Variants in CPLX1 observed in about 807,000 individuals in gnomAD.
The protein encoded by CPLX1 is complexin 1, also known as complexin-1.
A neutral mutation model predicts 15.6 loss-of-function variants in CPLX1; 6 were observed. The ratio of observed to expected loss-of-function variants is 0.39; its 90% CI spans 0.21 to 0.76. The LOEUF is 0.76. CPLX1 is among the 30% of genes least tolerant of loss of function. CPLX1 has a pLI of 0.43. For synonymous variants in CPLX1, 91 were observed against 75.2 expected (o/e 1.21, Z -1.08); for missense variants, 242 against 188.6 (o/e 1.28, Z -1.66).
At chr4:801,097 G>A (rs909199097) in intron 2 of CPLX1, among the ~76,000 whole-genome samples, 1 of 151,552 alleles carries the variant, frequency 6.6e-6, no homozygotes, top group African/African-American at 2.4e-5. Context: ...GGCAGATCAC[G>A]AGGTCAGGAG....
At chr4:793,765 G>A (rs1746254215) in intron 2 of CPLX1, among the ~76,000 whole-genome samples, 1 of 152,234 alleles carries the variant, frequency 6.6e-6, no homozygotes, top group Non-Finnish European at 1.5e-5. Flanking sequence ...GCTCCTCAGT[G>A]GTGAGGCACT....
At chr4:821,502 G>A (rs935858937) in intron 2 of CPLX1, among the ~76,000 whole-genome samples, 2 of 152,202 alleles carry the variant, frequency 1.3e-5, no homozygotes, top group Non-Finnish European at 1.5e-5. Context: ...AGAGCGGGTG[G>A]CTGCTCGCTT....
intron 2 of CPLX1, among the ~76,000 whole-genome samples, chr4:814,640 G>C (rs1418385193): frequency 6.6e-6 from 1 of 152,230 alleles, no homozygotes; most frequent in Non-Finnish European, 1.5e-5. Flanking sequence ...TGCAGTGGTG[G>C]ATTAAATCTG....
intron 2 of CPLX1, among the ~76,000 whole-genome samples, chr4:794,901 T>C (rs1395987116): frequency 2.0e-5 from 3 of 152,200 alleles, no homozygotes; most frequent in African/African-American, 7.2e-5. Context: ...CCGGCATTTA[T>C]AGAGCACCAG....
chr4:802,999 C>T (rs576353555), intron 2 of CPLX1, among the ~76,000 whole-genome samples: 54 of 151,682 alleles, frequency 3.6e-4, no homozygotes, highest in Non-Finnish European at 7.4e-4. Flanking sequence ...AAACACTAGG[C>T]GTCTGAACTT....
chr4:825,843 G>T (rs1170285028), intron 1 of CPLX1, among the ~76,000 whole-genome samples: 1 of 125,128 alleles, frequency 8.0e-6, no homozygotes, highest in Non-Finnish European at 1.8e-5. Flanking sequence ...AGCCGGAGCC[G>T]GGGAGGAGAG....
chr4:792,676 A>G, intron 2 of CPLX1, 68 bp from the exon 3 acceptor site: 1 of 1,504,248 alleles, frequency 6.6e-7, no homozygotes, highest in Non-Finnish European at 9.0e-7. Context: ...TGTCTCAGCC[A>G]CACTCCCCCA....
Position 786,687 on chromosome 4 carries a change from C to T in CPLX1, c.219G>A (p.Lys73=), listed in dbSNP as rs754684184. 8.1e-6 allele frequency: 13 copies of T among 1,607,168 alleles called. No homozygotes were observed. The highest frequency in any genetic ancestry group is 1.1e-5 in the Non-Finnish European group (13 of 1,176,618). The change falls in exon 4 of 4, where the codon AAG becomes AAA. Residue 73 remains lysine (K), a synonymous_variant. Transcript: ENST00000304062. ...RQGIRDKYGI[K]KKEEREAEAQ... is the part of the protein sequence containing the mutation. Reference sequence around the variant, plus strand: ...CCTCGGCCTCGCGCTCCTCCTTCTTCTTGATGCCGTACTGCGGGGGAGGCG... The same window carrying T: ...CCTCGGCCTCGCGCTCCTCCTTCTTTTTGATGCCGTACTGCGGGGGAGGCG...
rs369493468 is a variant in CPLX1, at chr4:786,706, G to T, written c.208-8C>A. 6.0e-5 allele frequency: 95 copies of T among 1,585,718 alleles called. No individual in the cohort carries two copies. The African/African-American group carries it at 1.2e-3, about 20-fold the overall frequency. ...CTTCTTCTTGATGCCGTACTGCGGG[G>T]GAGGCGGGGGTCAGGGCGGGGGTCC... On this transcript the variant is annotated splice_polypyrimidine_tract_variant and splice_region_variant and intron_variant, in intron 3 of 3. Transcript: ENST00000304062.
chr4:808,554 C>T (rs1322568637), intron 2 of CPLX1, among the ~76,000 whole-genome samples: 3 of 152,206 alleles, frequency 2.0e-5, no homozygotes, highest in South Asian at 2.1e-4. Context: ...AACGGCAAAA[C>T]GAATCCGTCC....
chr4:790,637 C>G (rs13105473), intron 3 of CPLX1, among the ~76,000 whole-genome samples: 60,828 of 151,946 alleles, frequency 0.4, 13,135 homozygotes, highest in African/African-American at 0.56. Context: ...CAGCGTCCCT[C>G]TAGGATCATG....
intron 2 of CPLX1, among the ~76,000 whole-genome samples, chr4:813,264 C>CA (rs397881229): frequency 0.02 from 1,878 of 92,862 alleles, 23 homozygotes; most frequent in East Asian, 0.036. Context: ...GACTCTGTCT[C>CA]AAAAAAAAAA....
chr4:809,131 A>T (rs1746611334), intron 2 of CPLX1, among the ~76,000 whole-genome samples: 1 of 152,260 alleles, frequency 6.6e-6, no homozygotes. Flanking sequence ...TCATTTTAGC[A>T]AAGTGAGGAT....
chr4:787,167 G>T, intron 3 of CPLX1: 2 of 985,430 alleles, frequency 2.0e-6, no homozygotes, highest in Non-Finnish European at 2.4e-6. Flanking sequence ...GGCCAAGGCT[G>T]CCTGGATGCG....
chr4:800,734 A>AT (rs1267135148), intron 2 of CPLX1, among the ~76,000 whole-genome samples: 65 of 88,718 alleles, frequency 7.3e-4, no homozygotes, highest in African/African-American at 2.2e-3. Context: ...TAAAAAAAAA[A>AT]ATATATATAT....
intron 3 of CPLX1, 97 bp downstream of exon 3, chr4:792,336 G>A (rs1439884443): frequency 9.3e-6 from 9 of 967,290 alleles, no homozygotes; most frequent in South Asian, 1.8e-5. Flanking sequence ...GGGGACGCCC[G>A]CCCCTCTTCC....
intron 3 of CPLX1, among the ~76,000 whole-genome samples, chr4:790,164 G>C (rs1746127911): frequency 6.6e-6 from 1 of 152,234 alleles, no homozygotes; most frequent in South Asian, 2.1e-4. Context: ...TGGACGTGGG[G>C]TCCGGGGGGA....
chr4:794,066 C>T (rs1357288307), intron 2 of CPLX1, among the ~76,000 whole-genome samples: 4 of 152,254 alleles, frequency 2.6e-5, no homozygotes, highest in Non-Finnish European at 4.4e-5. Context: ...GCGACGCCCT[C>T]GCCTGTAGCT....
At chr4:794,061 G>A (rs541635780) in intron 2 of CPLX1, among the ~76,000 whole-genome samples, 11 of 152,370 alleles carry the variant, frequency 7.2e-5, no homozygotes, top group South Asian at 2.1e-4. Flanking sequence ...CTGGGGCGAC[G>A]CCCTCGCCTG....
Sources: gnomAD v4.1 joint callset for allele counts (sites outside exome capture counted in the v4.1 genomes callset) on GRCh38, gnomAD v4.1.1 for gene constraint, MANE v1.5 for transcripts, NCBI Gene and HGNC (gene_info 2026-07-23, HGNC 2026-07-21) for gene names.